KCNB2: variants seen among roughly 807,000 people sequenced by gnomAD.
KCNB2 encodes the protein delayed rectifier potassium channel protein.
Under a neutral mutation model 61.5 loss-of-function variants are expected in KCNB2, and 15 were observed. The ratio of observed to expected loss-of-function variants is 0.24; its 90% CI spans 0.16 to 0.38. The LOEUF is 0.38. Ranked by LOEUF, KCNB2 falls within the 10% of genes least tolerant of loss-of-function variation. The pLI, the probability that KCNB2 is intolerant of heterozygous loss-of-function variation, is 1.00. For synonymous variants in KCNB2, 457 were observed against 446.0 expected (o/e 1.02, Z -0.31); for missense variants, 828 against 1,125.2 (o/e 0.74, Z 3.78).
chr8:72,782,972 A>G (rs1313685963), intron 2 of KCNB2, among the ~76,000 whole-genome samples: 2 of 152,184 alleles, frequency 1.3e-5, no homozygotes, highest in African/African-American at 2.4e-5. Context: ...AAGAATGGTC[A>G]TGGATTCAGA....
intron 2 of KCNB2, among the ~76,000 whole-genome samples, chr8:72,658,554 C>T (rs1357992455): frequency 6.6e-6 from 1 of 152,162 alleles, no homozygotes; most frequent in Non-Finnish European, 1.5e-5. Flanking sequence ...GTGAAGGTGG[C>T]TACACTAAAC....
At chr8:72,794,587 A>G (rs1030358553) in intron 2 of KCNB2, among the ~76,000 whole-genome samples, 12 of 144,532 alleles carry the variant, frequency 8.3e-5, no homozygotes, top group African/African-American at 3.0e-4. Context: ...AAAAAAAAAA[A>G]GGCATGGATG....
intron 2 of KCNB2, among the ~76,000 whole-genome samples, chr8:72,723,176 C>T (rs1426415604): frequency 6.6e-6 from 1 of 152,112 alleles, no homozygotes; most frequent in African/African-American, 2.4e-5. Flanking sequence ...ATTAAATTGG[C>T]AATTGGACAG....
intron 2 of KCNB2, among the ~76,000 whole-genome samples, chr8:72,817,316 C>T (rs1809417853): frequency 6.6e-6 from 1 of 152,160 alleles, no homozygotes; most frequent in Non-Finnish European, 1.5e-5. Context: ...CCTCACCGAG[C>T]AGGTTCATCC....
chr8:72,767,331 G>C (rs905748657), intron 2 of KCNB2, among the ~76,000 whole-genome samples: 1 of 152,000 alleles, frequency 6.6e-6, no homozygotes, highest in African/African-American at 2.4e-5. Context: ...TATTCACCAA[G>C]TTGCACACTC....
At chr8:72,675,166 T>A (rs1406985551) in intron 2 of KCNB2, among the ~76,000 whole-genome samples, 3 of 152,156 alleles carry the variant, frequency 2.0e-5, no homozygotes, top group Non-Finnish European at 4.4e-5. Context: ...AGGTAGTATA[T>A]CTAGGTATAT....
intron 2 of KCNB2, among the ~76,000 whole-genome samples, chr8:72,764,254 G>C (rs1022521624): frequency 6.6e-6 from 1 of 152,156 alleles, no homozygotes; most frequent in Non-Finnish European, 1.5e-5. Flanking sequence ...CACCTGACTG[G>C]AGCAGATATG....
intron 2 of KCNB2, among the ~76,000 whole-genome samples, chr8:72,804,984 A>G (rs1809193978): frequency 6.6e-6 from 1 of 152,170 alleles, no homozygotes; most frequent in South Asian, 2.1e-4. Flanking sequence ...TCATTAGGTT[A>G]AAGATGAGAC....
chr8:72,726,799 C>T (rs1041048609), intron 2 of KCNB2, among the ~76,000 whole-genome samples: 1 of 152,100 alleles, frequency 6.6e-6, no homozygotes, highest in African/African-American at 2.4e-5. Flanking sequence ...AGCCAACATC[C>T]ATTCCAGGAA....
Position 72,567,488 on chromosome 8 carries a change from A to G in KCNB2, c.-93-154A>G, listed in dbSNP as rs2451034. Among the ~76,000 whole-genome samples the G allele has an allele frequency of 0.55, 83,096 of 151,976 alleles. 25,221 individuals carry two copies. Among genetic ancestry groups the G allele is most frequent in the Admixed American group, 0.67 (10,193 of 15,262 alleles). Reference sequence around the variant, plus strand: ...TTCCTATATCCTAAAGCAAAGACACATATCTCCAAAAGTATGTAGACATTA... The same window carrying G: ...TTCCTATATCCTAAAGCAAAGACACGTATCTCCAAAAGTATGTAGACATTA... On this transcript the variant is annotated intron_variant, in intron 1 of 2. Transcript: ENST00000523207.
chr8:72,567,500 G>C (rs1263799732), intron 1 of KCNB2, 142 bp from the exon 2 acceptor site: 1 of 443,666 alleles, frequency 2.3e-6, no homozygotes, highest in Non-Finnish European at 3.9e-6. Flanking sequence ...ATCTCCAAAA[G>C]TATGTAGACA....
intron 2 of KCNB2, among the ~76,000 whole-genome samples, chr8:72,821,523 A>T (rs1203726429): frequency 6.6e-6 from 1 of 150,798 alleles, no homozygotes; most frequent in African/African-American, 2.4e-5. Context: ...TGGAGTTGTT[A>T]CAAGTTTTGC....
chr8:72,915,717 A>G (rs1198474903), intron 2 of KCNB2, among the ~76,000 whole-genome samples: 1 of 152,130 alleles, frequency 6.6e-6, no homozygotes, highest in African/African-American at 2.4e-5. Flanking sequence ...CAGGAGATCA[A>G]TACCATCCTG....
intron 2 of KCNB2, among the ~76,000 whole-genome samples, chr8:72,570,255 C>T (rs1806688119): frequency 6.6e-6 from 1 of 152,086 alleles, no homozygotes; most frequent in African/African-American, 2.4e-5. Flanking sequence ...CAGCCAAAGA[C>T]ATTGGTTTTG....
intron 2 of KCNB2, chr8:72,619,391 C>A: frequency 2.1e-6 from 1 of 479,080 alleles, no homozygotes; most frequent in South Asian, 1.9e-5. Flanking sequence ...TGTTTCAAGT[C>A]ATGTATTACC....
rs1172042364 is a variant in KCNB2, at chr8:72,537,232, T to G, written c.-747T>G. ...CGGGAGGCTGGGGTGGCCGCAGCCC[T>G]GTGTGCGCGCCGGGCCGGCTAGCTG... On this transcript the variant is annotated 5_prime_UTR_variant, in exon 1 of 3. Transcript: ENST00000523207. Among the ~76,000 whole-genome samples the G allele has an allele frequency of 6.6e-6, 1 of 150,990 alleles. No individual in the cohort carries two copies.
intron 2 of KCNB2, among the ~76,000 whole-genome samples, chr8:72,859,997 G>T (rs1464514530): frequency 6.6e-6 from 1 of 152,018 alleles, no homozygotes; most frequent in Non-Finnish European, 1.5e-5. Flanking sequence ...AGGATTACAG[G>T]TGTGAGCCAC....
chr8:72,713,987 C>T (rs919312419), intron 2 of KCNB2, among the ~76,000 whole-genome samples: 10 of 152,136 alleles, frequency 6.6e-5, no homozygotes, highest in Non-Finnish European at 1.3e-4. Flanking sequence ...AGCTGAAAAC[C>T]ACAGCACAAG....
chr8:72,758,157 A>C (rs1326053548), intron 2 of KCNB2, among the ~76,000 whole-genome samples: 1 of 152,242 alleles, frequency 6.6e-6, no homozygotes, highest in African/African-American at 2.4e-5. Flanking sequence ...GAGTTTGGTA[A>C]GGAGACTGCA....
Sources: allele counts gnomAD v4.1 joint callset (sites outside exome capture counted in the v4.1 genomes callset), GRCh38; gene constraint gnomAD v4.1.1; transcripts MANE v1.5; gene names NCBI Gene and HGNC (gene_info 2026-07-23, HGNC 2026-07-21).